ASH1L: variants seen among roughly 807,000 people sequenced by gnomAD.
ASH1L encodes ASH1 like histone lysine methyltransferase, also known as histone-lysine N-methyltransferase ASH1L.
In ASH1L, 23 loss-of-function variants were observed where a neutral mutation model predicts 269.0. The observed-to-expected ratio is 0.09, with a 90% CI of 0.06 to 0.12. The LOEUF (loss-of-function observed/expected upper bound fraction) is 0.12, where lower values mean the gene tolerates loss of function less well. ASH1L is among the 10% of genes least tolerant of loss of function. The pLI, the probability that ASH1L is intolerant of heterozygous loss-of-function variation, is 1.00. For synonymous variants in ASH1L, 1,187 were observed against 1,253.5 expected, an observed-to-expected ratio of 0.95 and a Z score of 1.12; for missense variants, 2,912 against 3,567.8, an observed-to-expected ratio of 0.82 and a Z score of 4.68.
intron 4 of ASH1L, among the ~76,000 whole-genome samples, chr1:155,458,116 G>T (rs557607540): frequency 1.3e-5 from 2 of 152,266 alleles, no homozygotes; most frequent in South Asian, 4.1e-4. Flanking sequence ...GAGAAATTAA[G>T]TCACTTCTTG....
intron 1 of ASH1L, among the ~76,000 whole-genome samples, chr1:155,554,025 G>A (rs551039847): frequency 6.6e-6 from 1 of 151,178 alleles, no homozygotes; most frequent in African/African-American, 2.4e-5. Flanking sequence ...TCGAACTCCT[G>A]ACCTCGTGAT....
At chr1:155,441,843 G>A (rs1165462864) in intron 4 of ASH1L, among the ~76,000 whole-genome samples, 1 of 145,312 alleles carries the variant, frequency 6.9e-6, no homozygotes, top group Non-Finnish European at 1.5e-5. Flanking sequence ...TCAGCTCACC[G>A]CAACCGCCAC....
intron 6 of ASH1L, among the ~76,000 whole-genome samples, chr1:155,400,073 C>T (rs1218702370): frequency 1.3e-5 from 2 of 152,150 alleles, no homozygotes; most frequent in Non-Finnish European, 2.9e-5. Context: ...ATATGCTGGG[C>T]GTGGTGGCTC....
At chr1:155,411,586 A>AATAAATATGTATATATATATATAT (rs1297131961) in intron 6 of ASH1L, among the ~76,000 whole-genome samples, 1 of 55,192 alleles carries the variant, frequency 1.8e-5, no homozygotes, top group Non-Finnish European at 3.2e-5. Context: ...TAAATAAATA[A>AATAAATATGTATATATATATATAT]ATATATATAT....
chr1:155,340,286 G>A (rs972546029), intron 25 of ASH1L, among the ~76,000 whole-genome samples: 28 of 152,020 alleles, frequency 1.8e-4, no homozygotes, highest in African/African-American at 6.0e-4. Flanking sequence ...GGGTTCAAGC[G>A]ATTCTTCTGC....
At position 155,562,159 on chromosome 1, in the gene ASH1L, G is replaced by A; in HGVS notation, c.-106C>T. The A allele has an allele frequency of 1.3e-6, 2 of 1,576,600 alleles. No individual in the cohort carries two copies. Among genetic ancestry groups the A allele is most frequent in the South Asian group, 2.3e-5 (2 of 88,406 alleles). On this transcript the variant is annotated 5_prime_UTR_variant, in exon 1 of 28. Transcript: ENST00000392403. ...CCCAAATCGTTCTACTCACCGTGTC[G>A]GAGGCCGAGGCCGAGGCCGAGAGCG...
intron 1 of ASH1L, among the ~76,000 whole-genome samples, chr1:155,556,962 A>G (rs1017371234): frequency 1.4e-4 from 22 of 152,142 alleles, no homozygotes; most frequent in African/African-American, 5.3e-4. Flanking sequence ...CTTGAGCCCA[A>G]GAGGTAGAGC....
intron 1 of ASH1L, among the ~76,000 whole-genome samples, chr1:155,557,616 T>C (rs1671691758): frequency 6.6e-6 from 1 of 152,026 alleles, no homozygotes; most frequent in African/African-American, 2.4e-5. Flanking sequence ...TTGATAAATA[T>C]CACATTCTGC....
At chr1:155,474,629 A>T (rs113510582) in intron 3 of ASH1L, among the ~76,000 whole-genome samples, 4 of 152,178 alleles carry the variant, frequency 2.6e-5, no homozygotes, top group Admixed American at 6.5e-5. Flanking sequence ...TGAGCCCAGG[A>T]AACAGGTTGC....
At chr1:155,342,684 T>A (rs917344185) in intron 24 of ASH1L, among the ~76,000 whole-genome samples, 1 of 152,226 alleles carries the variant, frequency 6.6e-6, no homozygotes, top group South Asian at 2.1e-4. Context: ...TTTTATATAA[T>A]CTTTTAAGAA....
At chr1:155,540,454 G>A (rs898099210) in intron 1 of ASH1L, among the ~76,000 whole-genome samples, 1 of 152,062 alleles carries the variant, frequency 6.6e-6, no homozygotes, top group African/African-American at 2.4e-5. Context: ...CAGAGCAAGA[G>A]CAAATAACCA....
chr1:155,396,757 T>A (rs1216251464), intron 6 of ASH1L, among the ~76,000 whole-genome samples: 1 of 148,462 alleles, frequency 6.7e-6, no homozygotes, highest in South Asian at 2.2e-4. Flanking sequence ...AAGTCAGGAG[T>A]TCGAGACAGG....
At chr1:155,433,401 C>T (rs762161463) in intron 5 of ASH1L, 11 of 1,605,990 alleles carry the variant, frequency 6.8e-6, no homozygotes, top group South Asian at 1.1e-5. Context: ...GGGGGGATGG[C>T]GTACTGTGGG....
intron 4 of ASH1L, among the ~76,000 whole-genome samples, chr1:155,459,200 AT>A (rs997718526): frequency 9.2e-4 from 135 of 146,242 alleles, no homozygotes; most frequent in Admixed American, 2.5e-3. Flanking sequence ...TTACTAAACA[AT>A]TTTTTTTTTT....
Position 155,344,231 on chromosome 1 carries a change from A to C in ASH1L, c.7933T>G (p.Cys2645Gly). ...CGGAGCAAACAGATGAAGTAGACAC[A>C]GCCAGGTTGGGCATAGTGGGGCCGA... ...IPRPHYAQPG[C>G]VYFICLLRDD... Residue 2645 changes from cysteine (C) to glycine (G), a missense_variant, in exon 22 of 28, where the codon TGT (cysteine) becomes GGT (glycine). Around this residue, in one of 13 missense-constraint regions of ASH1L, gnomAD observed 179 missense variants for 293.8 expected, o/e 0.61. Coordinates refer to ENST00000392403, the MANE Select transcript of ASH1L (RefSeq NM_018489.3). The C allele has an allele frequency of 6.2e-7, 1 of 1,614,214 alleles. No homozygotes were observed. Among genetic ancestry groups the C allele is most frequent in the Non-Finnish European group, 8.5e-7 (1 of 1,180,034 alleles).
At chr1:155,463,217 T>C (rs957907630) in intron 3 of ASH1L, among the ~76,000 whole-genome samples, 2 of 152,098 alleles carry the variant, frequency 1.3e-5, no homozygotes, top group African/African-American at 4.8e-5. Flanking sequence ...TGTCCAAACC[T>C]AAAACATAAT....
At chr1:155,363,754 C>A (rs1472093467) in intron 12 of ASH1L, among the ~76,000 whole-genome samples, 1 of 151,568 alleles carries the variant, frequency 6.6e-6, no homozygotes, top group Non-Finnish European at 1.5e-5. Flanking sequence ...GGGCAGATCA[C>A]TTGAGGCCAG....
chr1:155,451,707 C>T (rs994963727), intron 4 of ASH1L, among the ~76,000 whole-genome samples: 9 of 150,620 alleles, frequency 6.0e-5, no homozygotes, highest in African/African-American at 9.8e-5. Flanking sequence ...GCGACAGGAG[C>T]GAGACTCTGA....
chr1:155,523,092 C>A (rs546586135), intron 1 of ASH1L, among the ~76,000 whole-genome samples: 1 of 152,274 alleles, frequency 6.6e-6, no homozygotes, highest in South Asian at 2.1e-4. Context: ...GAGTCAAGAT[C>A]TAGAACTAGT....
Sources: gnomAD v4.1 joint callset for allele counts (sites outside exome capture counted in the v4.1 genomes callset) on GRCh38, gnomAD v4.1.1 for gene constraint, gnomAD v4.1.1 regional missense constraint, MANE v1.5 for transcripts, NCBI Gene and HGNC (gene_info 2026-07-23, HGNC 2026-07-21) for gene names.